STXBP5L: variants seen among roughly 807,000 people sequenced by gnomAD.
STXBP5L encodes syntaxin-binding protein 5-like.
Under a neutral mutation model 144.5 loss-of-function variants are expected in STXBP5L, and 65 were observed. The observed-to-expected ratio is 0.45, with a 90% CI of 0.37 to 0.55. The LOEUF is 0.55. Among genes scored for constraint, STXBP5L ranks in the 20% least tolerant of loss-of-function variants. The pLI, the probability that STXBP5L is intolerant of heterozygous loss-of-function variation, is 0.00. For missense variants in STXBP5L, 1,298 were observed against 1,405.5 expected, an observed-to-expected ratio of 0.92 and a Z score of 1.22; for synonymous variants, 505 against 469.6, an observed-to-expected ratio of 1.08 and a Z score of -0.97.
chr3:121,086,467 A>AAT (rs148126293), intron 5 of STXBP5L, among the ~76,000 whole-genome samples: 15,064 of 152,014 alleles, frequency 0.099, 1,169 homozygotes, highest in Admixed American at 0.2. Flanking sequence ...TCTATATTTA[A>AAT]ATATTTAGAT....
chr3:121,329,804 G>A (rs553278658), intron 20 of STXBP5L, among the ~76,000 whole-genome samples: 1 of 152,210 alleles, frequency 6.6e-6, no homozygotes, highest in African/African-American at 2.4e-5. Flanking sequence ...AGGATGCAGT[G>A]AGCCGATATT....
chr3:121,263,314 A>C (rs2050446025), intron 18 of STXBP5L, among the ~76,000 whole-genome samples: 1 of 152,210 alleles, frequency 6.6e-6, no homozygotes, highest in African/African-American at 2.4e-5. Flanking sequence ...CCCCATCTGA[A>C]GGTCACCAAC....
chr3:121,036,578 A>G (rs1355022504), intron 3 of STXBP5L, among the ~76,000 whole-genome samples: 1 of 152,124 alleles, frequency 6.6e-6, no homozygotes, highest in Non-Finnish European at 1.5e-5. Context: ...GGTAGAAAGT[A>G]TTGTTCCTCT....
intron 5 of STXBP5L, among the ~76,000 whole-genome samples, chr3:121,094,807 C>T (rs1241289661): frequency 6.6e-6 from 1 of 151,514 alleles, no homozygotes; most frequent in African/African-American, 2.4e-5. Context: ...GAATTTGAAC[C>T]TTTCATTATG....
chr3:121,030,697 A>T (rs915951011), intron 3 of STXBP5L, among the ~76,000 whole-genome samples: 2 of 152,016 alleles, frequency 1.3e-5, no homozygotes, highest in African/African-American at 4.8e-5. Flanking sequence ...AAATTCCCAG[A>T]ATTCCCAGGC....
At chr3:121,406,516 T>C (rs2108741403) in intron 22 of STXBP5L, among the ~76,000 whole-genome samples, 1 of 152,174 alleles carries the variant, frequency 6.6e-6, no homozygotes, top group East Asian at 1.9e-4. Flanking sequence ...TCCTAAGCTT[T>C]ATAGTATATT....
intron 7 of STXBP5L, among the ~76,000 whole-genome samples, chr3:121,130,988 A>G (rs1018734263): frequency 2.0e-5 from 3 of 152,078 alleles, no homozygotes; most frequent in African/African-American, 2.4e-5. Context: ...ACAGAAAGCT[A>G]GAAAAACGAT....
chr3:121,330,792 C>T (rs2044297847), intron 20 of STXBP5L, among the ~76,000 whole-genome samples: 1 of 152,202 alleles, frequency 6.6e-6, no homozygotes, highest in Non-Finnish European at 1.5e-5. Flanking sequence ...TCACCCTGGC[C>T]AACGGAGAGA....
intron 5 of STXBP5L, among the ~76,000 whole-genome samples, chr3:121,069,168 A>G (rs1220829556): frequency 6.6e-6 from 1 of 152,098 alleles, no homozygotes; most frequent in Non-Finnish European, 1.5e-5. Context: ...TATCTCTCCT[A>G]TTTCTAACGC....
chr3:120,974,678 C>G (rs1240276816), intron 3 of STXBP5L, among the ~76,000 whole-genome samples: 1 of 152,262 alleles, frequency 6.6e-6, no homozygotes, highest in Non-Finnish European at 1.5e-5. Context: ...GGTTTTAGGT[C>G]TGACGTTTAA....
At chr3:121,015,682 G>A (rs1945093785) in intron 3 of STXBP5L, among the ~76,000 whole-genome samples, 2 of 152,018 alleles carry the variant, frequency 1.3e-5, no homozygotes, top group Non-Finnish European at 2.9e-5. Context: ...TTATTCTTCC[G>A]AATAAGCATT....
intron 7 of STXBP5L, among the ~76,000 whole-genome samples, chr3:121,133,160 A>T (rs1207022503): frequency 6.6e-6 from 1 of 152,148 alleles, no homozygotes; most frequent in Non-Finnish European, 1.5e-5. Flanking sequence ...GCTTGAGCCC[A>T]AGAGTTTGAG....
chr3:121,313,515 C>T (rs1346299099), intron 19 of STXBP5L, among the ~76,000 whole-genome samples: 1 of 5,530 alleles, frequency 1.8e-4, no homozygotes, highest in Admixed American at 1.5e-3. Flanking sequence ...TAGGGGCGGC[C>T]GGGCAGAGGA....
At chr3:121,014,819 A>G (rs1213906423) in intron 3 of STXBP5L, among the ~76,000 whole-genome samples, 29 of 152,098 alleles carry the variant, frequency 1.9e-4, no homozygotes, top group Non-Finnish European at 2.9e-5. Context: ...AGACCTAATA[A>G]GTAAACTTAG....
At chr3:120,922,477 A>G (rs1489214003) in intron 2 of STXBP5L, among the ~76,000 whole-genome samples, 2 of 151,870 alleles carry the variant, frequency 1.3e-5, no homozygotes, top group Admixed American at 6.6e-5. Flanking sequence ...CCTAATTGCT[A>G]TAGTCAGGAC....
intron 9 of STXBP5L, among the ~76,000 whole-genome samples, chr3:121,176,876 T>C (rs540485150): frequency 2.1e-4 from 32 of 151,934 alleles, no homozygotes; most frequent in Non-Finnish European, 4.7e-4. Context: ...AAAAGTTTAA[T>C]TGAAGTATCT....
intron 7 of STXBP5L, among the ~76,000 whole-genome samples, chr3:121,146,038 G>C (rs886163317): frequency 6.6e-6 from 1 of 152,008 alleles, no homozygotes; most frequent in Non-Finnish European, 1.5e-5. Context: ...CAGGACTTCA[G>C]ACTTTTCTTT....
intron 2 of STXBP5L, among the ~76,000 whole-genome samples, chr3:120,954,220 C>T (rs1172371520): frequency 3.3e-5 from 5 of 152,096 alleles, no homozygotes; most frequent in Admixed American, 3.3e-4. Flanking sequence ...AATTTCTTAA[C>T]ATTTTTTGAG....
intron 5 of STXBP5L, among the ~76,000 whole-genome samples, chr3:121,062,573 G>T (rs2041335841): frequency 6.6e-6 from 1 of 152,206 alleles, no homozygotes; most frequent in South Asian, 2.1e-4. Context: ...GGTTGGGGAA[G>T]TTCTCCTGGA....
Sources: allele counts gnomAD v4.1 joint callset (sites outside exome capture counted in the v4.1 genomes callset), GRCh38; gene constraint gnomAD v4.1.1; transcripts MANE v1.5; gene names NCBI Gene and HGNC (gene_info 2026-07-23, HGNC 2026-07-21).